The following IL1RAPL1 variants were observed in gnomAD, a reference collection of about 807,000 sequenced individuals.
IL1RAPL1 encodes the protein interleukin-1 receptor accessory protein-like 1.
IL1RAPL1 carries 3 observed loss-of-function variants against 48.4 expected under a neutral mutation model. The ratio of observed to expected loss-of-function variants is 0.06; its 90% CI spans 0.03 to 0.16. IL1RAPL1 has a LOEUF of 0.16. Ranked by LOEUF, IL1RAPL1 falls within the 10% of genes least tolerant of loss-of-function variation. The pLI, the probability that IL1RAPL1 is intolerant of heterozygous loss-of-function variation, is 1.00. For missense variants in IL1RAPL1, 349 were observed against 530.6 expected (o/e 0.66, Z 3.36); for synonymous variants, 185 against 187.7 (o/e 0.99, Z 0.12).
At chrX:29,953,194 G>T (rs1933350303) in intron 9 of IL1RAPL1, among the ~76,000 whole-genome samples, 1 of 111,611 alleles carries the variant, frequency 9.0e-6, no homozygotes, top group African/African-American at 3.3e-5. Context: ...AATTTAACTT[G>T]ATCTAATCAT....
chrX:28,955,177 A>G (rs907746856), intron 2 of IL1RAPL1, among the ~76,000 whole-genome samples: 1 of 111,733 alleles, frequency 8.9e-6, no homozygotes, highest in Non-Finnish European at 1.9e-5. Context: ...CCTACTAGCC[A>G]AAACATTTTA....
intron 5 of IL1RAPL1, among the ~76,000 whole-genome samples, chrX:29,551,543 A>G (rs1396010901): frequency 9.0e-6 from 1 of 111,622 alleles, no homozygotes; most frequent in East Asian, 2.8e-4. Context: ...TATTGGCCTT[A>G]TTTCTGCAGT....
At chrX:29,006,639 T>TTATA (rs1309460663) in intron 2 of IL1RAPL1, among the ~76,000 whole-genome samples, 2 of 87,962 alleles carry the variant, frequency 2.3e-5, no homozygotes, top group Non-Finnish European at 4.4e-5. Context: ...TTGTGTGTGT[T>TTATA]TATATATATG....
At chrX:29,140,714 G>A (rs1929226015) in intron 2 of IL1RAPL1, among the ~76,000 whole-genome samples, 1 of 111,876 alleles carries the variant, frequency 8.9e-6, no homozygotes, top group South Asian at 3.7e-4. Context: ...CCAAGATCAA[G>A]TCACCATCAG....
At chrX:28,867,376 CTAGGGGTGG>C (rs1922102726) in intron 2 of IL1RAPL1, among the ~76,000 whole-genome samples, 1 of 111,667 alleles carries the variant, frequency 9.0e-6, no homozygotes, top group African/African-American at 3.3e-5. Flanking sequence ...GTACCACACT[CTAGGGGTGG>C]TAGGATATTG....
At chrX:29,323,743 A>G (rs1932823405) in intron 3 of IL1RAPL1, among the ~76,000 whole-genome samples, 1 of 25,991 alleles carries the variant, frequency 3.8e-5, no homozygotes, top group Non-Finnish European at 5.9e-5. Context: ...ATATATATAT[A>G]TATATATATA....
At chrX:29,595,660 T>C (rs1923522494) in intron 5 of IL1RAPL1, among the ~76,000 whole-genome samples, 1 of 112,254 alleles carries the variant, frequency 8.9e-6, no homozygotes, top group Non-Finnish European at 1.9e-5. Context: ...CATGTAAGGT[T>C]GTGAAGATTT....
At chrX:29,049,374 A>G (rs1399126058) in intron 2 of IL1RAPL1, among the ~76,000 whole-genome samples, 2 of 112,405 alleles carry the variant, frequency 1.8e-5, no homozygotes, top group Non-Finnish European at 3.8e-5. Flanking sequence ...GGCACAAAAA[A>G]CCATATTTTT....
intron 3 of IL1RAPL1, among the ~76,000 whole-genome samples, chrX:29,285,684 T>G (rs1932273940): frequency 9.0e-6 from 1 of 111,060 alleles, no homozygotes. Flanking sequence ...ACTTTAAAGT[T>G]TATGTGTGTC....
intron 2 of IL1RAPL1, among the ~76,000 whole-genome samples, chrX:28,994,319 G>A (rs1180835053): frequency 9.0e-6 from 1 of 111,474 alleles, no homozygotes; most frequent in African/African-American, 3.3e-5. Context: ...AAAAGTGGGG[G>A]AATAGGCAGA....
At chrX:29,711,068 A>G (rs564733089) in intron 6 of IL1RAPL1, among the ~76,000 whole-genome samples, 3 of 31,364 alleles carry the variant, frequency 9.6e-5, no homozygotes, top group South Asian at 2.6e-3. Context: ...GTGTGTGTGT[A>G]TACACACACA....
chrX:29,803,535 A>C (rs189781405), intron 6 of IL1RAPL1, among the ~76,000 whole-genome samples: 2,812 of 98,819 alleles, frequency 0.028, 119 homozygotes, highest in African/African-American at 0.1. Flanking sequence ...ATATATGTAT[A>C]CATATATGTA....
At position 29,030,112 on chromosome X, in the gene IL1RAPL1, AT is replaced by A. The variant is rs755475724; in HGVS notation, c.82+240695del. ...TTTCAGTCCATTGATCTATTTGTCT[AT>A]TTTTTTTCACTAGTGCCACACTGTC... On this transcript the variant is annotated intron_variant, in intron 2 of 10. Coordinates refer to ENST00000378993, the MANE Select transcript of IL1RAPL1 (RefSeq NM_014271.4). 8.4e-3 allele frequency among the ~76,000 whole-genome samples: 917 copies of A among 108,992 alleles called. 10 individuals carry two copies. The highest frequency in any genetic ancestry group is 0.028 in the African/African-American group (842 of 29,912). The allele number at this position is 108,992 out of a possible 115,157, so 94.6% of individuals were successfully genotyped here. A position where few individuals can be genotyped will look rare whatever the true frequency, so the allele number is the denominator to read the frequency against.
At chrX:29,552,802 C>CT (rs765234944) in intron 5 of IL1RAPL1, among the ~76,000 whole-genome samples, 4,871 of 22,940 alleles carry the variant, frequency 0.21, 575 homozygotes, top group East Asian at 0.32. Flanking sequence ...TTTCACTCTC[C>CT]TTTTTTTTTT....
chrX:29,333,888 C>G (rs1190248441), intron 3 of IL1RAPL1, among the ~76,000 whole-genome samples: 4 of 87,575 alleles, frequency 4.6e-5, no homozygotes, highest in Non-Finnish European at 9.3e-5. Context: ...CAGAGGCGCC[C>G]CTCACCTCCC....
At chrX:29,072,876 T>C (rs760607102) in intron 2 of IL1RAPL1, among the ~76,000 whole-genome samples, 13 of 111,659 alleles carry the variant, frequency 1.2e-4, no homozygotes, top group Non-Finnish European at 2.1e-4. Context: ...GTGGGGTCAG[T>C]GGCTAATCTG....
chrX:28,726,172 A>C (rs920929338), intron 1 of IL1RAPL1, among the ~76,000 whole-genome samples: 1 of 112,138 alleles, frequency 8.9e-6, no homozygotes, highest in Non-Finnish European at 1.9e-5. Context: ...TGTTGAGGAT[A>C]GAACTGTGGT....
chrX:28,660,288 C>T (rs897128072), intron 1 of IL1RAPL1, among the ~76,000 whole-genome samples: 1 of 110,904 alleles, frequency 9.0e-6, no homozygotes, highest in Non-Finnish European at 1.9e-5. Context: ...TTTTATAATA[C>T]ATGTAAGAGT....
intron 1 of IL1RAPL1, among the ~76,000 whole-genome samples, chrX:28,605,155 C>G (rs762380352): frequency 1.8e-5 from 2 of 112,147 alleles, no homozygotes; most frequent in Non-Finnish European, 3.8e-5. Context: ...TTCATTCACT[C>G]ACTCTCATGG....
Sources: gnomAD v4.1 joint callset for allele counts (sites outside exome capture counted in the v4.1 genomes callset) on GRCh38, gnomAD v4.1.1 for gene constraint, MANE v1.5 for transcripts, NCBI Gene and HGNC (gene_info 2026-07-23, HGNC 2026-07-21) for gene names.